The following FLT1 variants were observed in gnomAD, a reference collection of about 807,000 sequenced individuals.
FLT1 encodes fms related receptor tyrosine kinase 1, also known as vascular endothelial growth factor receptor 1.
Under a neutral mutation model 156.3 loss-of-function variants are expected in FLT1, and 49 were observed. That is an observed-to-expected ratio of 0.31 (90% CI 0.25 to 0.40). The LOEUF (loss-of-function observed/expected upper bound fraction) is 0.40, where lower values mean the gene tolerates loss of function less well. Ranked by LOEUF, FLT1 falls within the 10% of genes least tolerant of loss-of-function variation. The pLI is 1.00. For missense variants in FLT1, 1,322 were observed against 1,637.2 expected (o/e 0.81, Z 3.32); for synonymous variants, 594 against 583.8 (o/e 1.02, Z -0.25).
At chr13:28,445,269 G>C (rs148756438) in intron 3 of FLT1, among the ~76,000 whole-genome samples, 1 of 151,898 alleles carries the variant, frequency 6.6e-6, no homozygotes, top group Non-Finnish European at 1.5e-5. Flanking sequence ...CTGAGGCAAG[G>C]GTTCAAGACC....
At chr13:28,422,369 T>A (rs1252831230) in intron 10 of FLT1, among the ~76,000 whole-genome samples, 1 of 152,214 alleles carries the variant, frequency 6.6e-6, no homozygotes, top group Non-Finnish European at 1.5e-5. Flanking sequence ...TCTATTATAA[T>A]CAATCAGTGT....
chr13:28,429,970 G>A (rs1877576507), intron 8 of FLT1, 80 bp downstream of exon 8: 2 of 941,924 alleles, frequency 2.1e-6, no homozygotes, highest in Admixed American at 1.7e-5. Flanking sequence ...ATTTTGTCAG[G>A]AATTCGAGTC....
intron 3 of FLT1, among the ~76,000 whole-genome samples, chr13:28,454,711 C>T (rs547504099): frequency 2.7e-4 from 41 of 152,202 alleles, no homozygotes; most frequent in South Asian, 1.5e-3. Flanking sequence ...AATAAAATTG[C>T]CTTTGTTCAC....
intron 3 of FLT1, among the ~76,000 whole-genome samples, chr13:28,440,099 C>T (rs995345946): frequency 2.0e-5 from 3 of 152,134 alleles, no homozygotes; most frequent in African/African-American, 7.2e-5. Flanking sequence ...CCCTTCCTTC[C>T]TGCACCCTTC....
At chr13:28,458,370 C>T (rs934355303) in intron 3 of FLT1, among the ~76,000 whole-genome samples, 13 of 152,294 alleles carry the variant, frequency 8.5e-5, no homozygotes, top group African/African-American at 2.2e-4. Context: ...TGTATAACTG[C>T]GTCGTTGCTA....
intron 25 of FLT1, among the ~76,000 whole-genome samples, chr13:28,316,695 G>A (rs1331182001): frequency 6.7e-6 from 1 of 149,590 alleles, no homozygotes; most frequent in Non-Finnish European, 1.5e-5. Flanking sequence ...TTGGAGTGCA[G>A]TGGCGTGATC....
intron 14 of FLT1, among the ~76,000 whole-genome samples, chr13:28,366,361 T>C (rs1873292828): frequency 6.6e-6 from 1 of 152,206 alleles, no homozygotes; most frequent in South Asian, 2.1e-4. Flanking sequence ...TGCTAATCTA[T>C]TTGCAGTTTG....
In FLT1 at chr13:28,329,688, C is replaced by A. The variant is rs977370398; in HGVS notation, c.2634G>T (p.Glu878Asp). The A allele has an allele frequency of 6.2e-7, 1 of 1,614,228 alleles. No homozygotes were observed. The part of the protein sequence containing the change: ...TASEYKALMT[E>D]LKILTHIGHH... ...GGCCAATGTGGGTCAAGATTTTTAG[C>A]TCAGTCATCAGAGCTTTGTACTCGC... Residue 878 changes from glutamate (E) to aspartate (D), a missense_variant, in exon 19 of 30, where the codon GAG (glutamate) becomes GAT (aspartate). By Grantham distance (45) the Glu-to-Asp change is conservative (BLOSUM62 2). Around this residue, in one of 3 missense-constraint regions of FLT1, gnomAD observed 991 missense variants for 1,254.8 expected, o/e 0.79. Transcript: ENST00000282397.
chr13:28,322,279 A>G lies in FLT1; in HGVS notation c.3034T>C (p.Phe1012Leu). Reference sequence around the variant, plus strand: ...AGACTGACCTTTCTGGAAGACAGGAACTCCATGCCTCTGGCCACTTGAAAA... The same window carrying G: ...AGACTGACCTTTCTGGAAGACAGGAGCTCCATGCCTCTGGCCACTTGAAAA... ...YSFQVARGME[F>L]LSSRKCIHRD... The change falls in exon 22 of 30, where the codon TTC becomes CTC. Residue 1012 changes from phenylalanine to leucine, a missense_variant. Phe to Leu is a conservative substitution (Grantham distance 22). Transcript: ENST00000282397. This position sits in a 1 kb window ranked among gnomAD's most constrained non-coding sequence, Gnocchi z 4.3. The G allele has an allele frequency of 6.2e-7, 1 of 1,609,072 alleles. No homozygotes were observed. Among genetic ancestry groups the G allele is most frequent in the Non-Finnish European group, 8.5e-7 (1 of 1,175,394 alleles).
At chr13:28,457,938 T>TC (rs1555243091) in intron 3 of FLT1, among the ~76,000 whole-genome samples, 4 of 143,480 alleles carry the variant, frequency 2.8e-5, no homozygotes, top group African/African-American at 5.3e-5. Flanking sequence ...CTTTTCTTTT[T>TC]TTTTTTTTTT....
At chr13:28,320,087 C>G (rs1466875723) in intron 23 of FLT1, among the ~76,000 whole-genome samples, 1 of 152,138 alleles carries the variant, frequency 6.6e-6, no homozygotes, top group Non-Finnish European at 1.5e-5. Context: ...ACAAATCTTC[C>G]TCTCTTTCAG....
chr13:28,313,539 T>G (rs7982283), intron 25 of FLT1, among the ~76,000 whole-genome samples: 104,903 of 152,056 alleles, frequency 0.69, 39,420 homozygotes, highest in East Asian at 1. Context: ...AATTTGGCTC[T>G]GGGTGGGAAT....
At chr13:28,324,844 C>T (rs1223731902) in intron 20 of FLT1, among the ~76,000 whole-genome samples, 2 of 152,316 alleles carry the variant, frequency 1.3e-5, no homozygotes, top group Admixed American at 1.3e-4. Flanking sequence ...CTCAGGCTCT[C>T]TCACTCCCTT....
intron 8 of FLT1, among the ~76,000 whole-genome samples, chr13:28,428,640 C>A (rs1877492662): frequency 6.6e-6 from 1 of 152,176 alleles, no homozygotes; most frequent in Admixed American, 6.5e-5. Context: ...ATGTGACTAA[C>A]CAGTTTGGGC....
rs1011767997 is a variant in FLT1, at chr13:28,302,256, A to G, written c.*911T>C. On this transcript the variant is annotated 3_prime_UTR_variant, in exon 30 of 30. Transcript: ENST00000282397. ...TGGACTATATATTAATACCCAAAATAGAATGTGACATTTTCAGTGTAAGGC... is the reference window on the plus strand; with the variant it reads ...TGGACTATATATTAATACCCAAAATGGAATGTGACATTTTCAGTGTAAGGC... The G allele has an allele frequency of 4.3e-6, 1 of 233,196 alleles. No homozygotes were observed. The highest frequency in any genetic ancestry group is 8.5e-6 in the Non-Finnish European group (1 of 118,056). The allele number at this position is 233,196 out of a possible 1,614,324, so 14.4% of individuals were successfully genotyped here. A position where few individuals can be genotyped will look rare whatever the true frequency, so the allele number is the denominator to read the frequency against.
chr13:28,372,065 TATATATA>T (rs1873610034), intron 14 of FLT1, among the ~76,000 whole-genome samples: 2 of 25,598 alleles, frequency 7.8e-5, no homozygotes, highest in Non-Finnish European at 1.0e-4. Context: ...TATATATATA[TATATATA>T]TATATTTTTT....
chr13:28,357,591 C>T lies in FLT1; in HGVS notation c.2211G>A (p.Lys737=), dbSNP rs2137411306. 2 of 1,614,092 alleles carry T rather than the reference C, an allele frequency of 1.2e-6. No homozygotes were observed. The highest frequency in any genetic ancestry group is 1.7e-6 in the Non-Finnish European group (2 of 1,179,982). The change falls in exon 15 of 30, where the codon AAG becomes AAA. Residue 737 remains lysine, a synonymous_variant. Transcript: ENST00000282397. The part of the protein sequence containing the change: ...GVYHCKATNQ[K]GSVESSAYLT... ...GGTATGCTGAACTTTCCACAGAGCC[C>T]TTCTGGTTGGTGGCTTTGCAGTGAT... is the stretch of plus-strand genomic sequence containing the variant.
chr13:28,489,634 A>G (rs1344434816), intron 1 of FLT1, among the ~76,000 whole-genome samples: 1 of 152,204 alleles, frequency 6.6e-6, no homozygotes, highest in Non-Finnish European at 1.5e-5. Flanking sequence ...AAGGTCTTGC[A>G]GGCAGACGAG....
intron 3 of FLT1, among the ~76,000 whole-genome samples, chr13:28,465,077 T>C (rs622227): frequency 0.26 from 39,186 of 152,104 alleles, 7,189 homozygotes; most frequent in African/African-American, 0.51. Flanking sequence ...GCTGAGTACA[T>C]GGCTTTTTCC....
Sources: allele counts gnomAD v4.1 joint callset (sites outside exome capture counted in the v4.1 genomes callset), GRCh38; gene constraint gnomAD v4.1.1; regional missense constraint gnomAD v4.1.1; non-coding constraint Gnocchi (gnomAD v3.1); transcripts MANE v1.5; gene names NCBI Gene and HGNC (gene_info 2026-07-23, HGNC 2026-07-21).